The following POLE4 variants were observed in gnomAD, a reference collection of about 807,000 sequenced individuals.
The protein encoded by POLE4 is DNA polymerase epsilon subunit 4.
Under a neutral mutation model 15.6 loss-of-function variants are expected in POLE4, and 15 were observed. The observed-to-expected ratio is 0.96, with a 90% CI of 0.64 to 1.48. The LOEUF is 1.48. Ranked by LOEUF, POLE4 falls within the 40% of genes most tolerant of loss-of-function variation. POLE4 has a pLI of 0.00. For synonymous variants in POLE4, 83 were observed against 63.2 expected, an observed-to-expected ratio of 1.31 and a Z score of -1.49; for missense variants, 205 against 151.9, an observed-to-expected ratio of 1.35 and a Z score of -1.84.
chr2:74,964,783 A>G (rs1164534451), intron 3 of POLE4, among the ~76,000 whole-genome samples: 3 of 152,110 alleles, frequency 2.0e-5, no homozygotes, highest in East Asian at 3.8e-4. Flanking sequence ...GTAGTATATC[A>G]TCTGCCAATA....
chr2:74,959,186 T>C, intron 1 of POLE4, 155 bp from the exon 2 acceptor site: 4 of 624,224 alleles, frequency 6.4e-6, no homozygotes, highest in Non-Finnish European at 1.2e-5. Context: ...GGTAGCGGAA[T>C]GGATCTTCAT....
chr2:74,965,399 C>T (rs945369580), intron 3 of POLE4, among the ~76,000 whole-genome samples: 5 of 152,092 alleles, frequency 3.3e-5, no homozygotes, highest in African/African-American at 1.2e-4. Context: ...GCGCCTGGCC[C>T]ACTTTTTATC....
chr2:74,959,453 C>G, intron 2 of POLE4, 28 bp downstream of exon 2: 1 of 1,463,464 alleles, frequency 6.8e-7, no homozygotes, highest in South Asian at 1.1e-5. Flanking sequence ...TGTCTGGGGA[C>G]AGACAAGGGA....
chr2:74,967,502 A>G (rs1004899392), intron 3 of POLE4, among the ~76,000 whole-genome samples: 1 of 152,090 alleles, frequency 6.6e-6, no homozygotes, highest in Non-Finnish European at 1.5e-5. Flanking sequence ...TTCTGTAAAC[A>G]TAGTAAACAC....
chr2:74,968,930 T>C (rs1204228682), intron 3 of POLE4, among the ~76,000 whole-genome samples: 3 of 152,138 alleles, frequency 2.0e-5, no homozygotes, highest in Non-Finnish European at 4.4e-5. Flanking sequence ...TTGAAATCCA[T>C]TAACTGCCAG....
rs909607946 is a variant in POLE4, at chr2:74,959,891, T to C, written c.299-214T>C. The C allele has an allele frequency of 1.2e-4, 65 of 558,980 alleles. No homozygotes were observed. The South Asian group carries it at 1.4e-3, about 12-fold the overall frequency. The allele number at this position is 558,980 out of a possible 1,614,324, so 34.6% of individuals were successfully genotyped here. ...CCCCAACCCCCGCGTTGAATGGTAT[T>C]TGCCTATGCTTTTCTTAACTCTTCT... On this transcript the variant is annotated intron_variant, in intron 2 of 3. Transcript: ENST00000483063.
intron 3 of POLE4, among the ~76,000 whole-genome samples, chr2:74,960,389 C>T (rs930904515): frequency 2.6e-5 from 4 of 152,150 alleles, no homozygotes; most frequent in African/African-American, 9.7e-5. Context: ...ATAAAGATCC[C>T]AGTGGAGTTA....
At chr2:74,965,847 G>A (rs77986548) in intron 3 of POLE4, among the ~76,000 whole-genome samples, 18 of 152,174 alleles carry the variant, frequency 1.2e-4, no homozygotes, top group South Asian at 6.2e-4. Flanking sequence ...TGCACGGTAC[G>A]GATTTTTGTA....
chr2:74,968,156 T>G (rs563994255), intron 3 of POLE4, among the ~76,000 whole-genome samples: 1 of 152,344 alleles, frequency 6.6e-6, no homozygotes, highest in East Asian at 1.9e-4. Context: ...TGATGTCTCT[T>G]CAATTCCTGA....
intron 2 of POLE4, 89 bp downstream of exon 2, chr2:74,959,514 T>C (rs1424467923): frequency 3.5e-5 from 28 of 802,134 alleles, no homozygotes; most frequent in African/African-American, 1.7e-5. Context: ...CACTCTGATC[T>C]GAGAGGTGCC....
chr2:74,967,864 T>C (rs1464264052), intron 3 of POLE4, among the ~76,000 whole-genome samples: 3 of 152,212 alleles, frequency 2.0e-5, no homozygotes, highest in Non-Finnish European at 2.9e-5. Context: ...CATACTGATA[T>C]GAACTCAGGC....
chr2:74,960,840 G>T (rs1297860970), intron 3 of POLE4, among the ~76,000 whole-genome samples: 1 of 152,176 alleles, frequency 6.6e-6, no homozygotes, highest in Non-Finnish European at 1.5e-5. Flanking sequence ...TGCCCAGTGA[G>T]GTAGTGGTCA....
chr2:74,963,066 C>A (rs1671247482), intron 3 of POLE4, among the ~76,000 whole-genome samples: 1 of 152,208 alleles, frequency 6.6e-6, no homozygotes. Context: ...AACCTTATTT[C>A]TCCTATTATA....
chr2:74,968,687 G>T (rs997241552), intron 3 of POLE4, among the ~76,000 whole-genome samples: 2 of 151,466 alleles, frequency 1.3e-5, no homozygotes, highest in Non-Finnish European at 2.9e-5. Flanking sequence ...TGCCTGTGGG[G>T]AGGGTTGTGG....
chr2:74,958,894 T>A lies in POLE4; in HGVS notation c.213+2T>A, dbSNP rs764407705. 2 of 1,550,554 alleles carry A rather than the reference T, an allele frequency of 1.3e-6. No individual in the cohort carries two copies. The highest frequency in any genetic ancestry group is 2.4e-5 in the South Asian group (2 of 84,258). On this transcript the variant is annotated splice_donor_variant, in intron 1 of 3. Coordinates refer to ENST00000483063, the MANE Select transcript of POLE4 (RefSeq NM_019896.4). LOFTEE classifies it high-confidence loss of function. ...ATCTTCATTCTGGCACGAGCCGCGG[T>A]GCGCCTGCAGCGCGAGGGCATGCGG...
rs1029318481 is a variant in POLE4 at position 74,958,669 on chromosome 2, T to G, written c.-11T>G. The stretch of plus-strand genomic sequence containing the variant: ...CAGTCGGCGGCCGCGCGCAGCACGC[T>G]CAAGGCCGGGATGGCGGCGGCGGCG... On this transcript the variant is annotated 5_prime_UTR_variant, in exon 1 of 4. Transcript: ENST00000483063. The G allele has an allele frequency of 1.4e-6, 2 of 1,439,732 alleles. No homozygotes were observed. 89.2% of individuals were successfully genotyped at this position (1,439,732 alleles called of 1,614,324 possible).
chr2:74,966,383 C>T (rs1167526622), intron 3 of POLE4, among the ~76,000 whole-genome samples: 1 of 152,028 alleles, frequency 6.6e-6, no homozygotes, highest in African/African-American at 2.4e-5. Flanking sequence ...TCACATACTA[C>T]CTTTGCTTTT....
Position 74,959,444 on chromosome 2 carries a change from G to A in POLE4, c.298+19G>A, listed in dbSNP as rs1558826835. The A allele has an allele frequency of 1.3e-6, 2 of 1,533,844 alleles. No individual in the cohort carries two copies. The highest frequency in any genetic ancestry group is 2.2e-5 in the East Asian group (1 of 44,486). ...GACTTGGGTAGAGTGGCACTGCAGT[G>A]TCTGGGGACAGACAAGGGAGGGCTG... On this transcript the variant is annotated intron_variant, in intron 2 of 3. Transcript: ENST00000483063.
rs771766482 is a variant in POLE4, at chr2:74,958,855, C to T, written c.176C>T (p.Ala59Val). ...LVKADPDVTL[A>V]GQEAIFILAR... is the part of the protein sequence containing the mutation. ...AAGGCAGATCCCGACGTGACGCTAG[C>T]GGGACAGGAAGCCATCTTCATTCTG... is the stretch of plus-strand genomic sequence containing the variant. Residue 59 changes from alanine to valine, a missense_variant, in exon 1 of 4, where the codon GCG (alanine) becomes GTG (valine). Coordinates refer to ENST00000483063, the MANE Select transcript of POLE4 (RefSeq NM_019896.4). The T allele has an allele frequency of 1.1e-5, 17 of 1,561,132 alleles. No homozygotes were observed. Among genetic ancestry groups the T allele is most frequent in the Admixed American group, 7.7e-5 (4 of 52,216 alleles).
Sources: allele counts gnomAD v4.1 joint callset (sites outside exome capture counted in the v4.1 genomes callset), GRCh38; gene constraint gnomAD v4.1.1; transcripts MANE v1.5; gene names NCBI Gene and HGNC (gene_info 2026-07-23, HGNC 2026-07-21).